Variants in HACL2 observed in about 807,000 individuals in gnomAD.
HACL2 encodes the protein 2-hydroxyacyl-CoA lyase 2, also known as 2-hydroxyacyl-CoA lyase 1 like.
At chr19:15,120,360 C>A in the HACL2 span, among the ~76,000 whole-genome samples, 2 of 152,234 alleles carry the variant, frequency 1.3e-5, no homozygotes, top group Non-Finnish European at 2.9e-5. Context: ...GTGGGTCCAA[C>A]AGATGTGAGC....
the HACL2 span, chr19:15,124,531 A>C: frequency 5.0e-6 from 1 of 199,476 alleles, no homozygotes; most frequent in Non-Finnish European, 1.0e-5. Context: ...GAAAGTCTAC[A>C]GTACTGAGCT....
chr19:15,116,185 G>A, the HACL2 span: 3 of 1,613,744 alleles, frequency 1.9e-6, no homozygotes, highest in South Asian at 3.3e-5. Context: ...CCGCGGGGCT[G>A]TACCAGATGG....
chr19:15,115,442 G>A, the HACL2 span: 1 of 1,611,758 alleles, frequency 6.2e-7, no homozygotes. Flanking sequence ...TAAAAGAAGA[G>A]ATTAAGTCGG....
the HACL2 span, chr19:15,123,205 G>C: frequency 6.2e-7 from 1 of 1,614,002 alleles, no homozygotes; most frequent in Non-Finnish European, 8.5e-7. The surrounding 1 kb of genome is among the most constrained non-coding windows in gnomAD (Gnocchi z 5.1). Flanking sequence ...GTGTTGGTGA[G>C]GCCAGGGCCT....
At chr19:15,123,134 A>C in the HACL2 span, 10 of 1,613,856 alleles carry the variant, frequency 6.2e-6, no homozygotes, top group South Asian at 7.7e-5. The surrounding 1 kb of genome is among the most constrained non-coding windows in gnomAD (Gnocchi z 5.1). Context: ...GAGTGCTGGC[A>C]GCCCCACCCA....
the HACL2 span, chr19:15,119,614 G>C: frequency 9.7e-7 from 1 of 1,033,970 alleles, no homozygotes; most frequent in African/African-American, 1.6e-5. Context: ...GTAATGGCAT[G>C]ATCTCAGCTC....
chr19:15,115,397 C>G, the HACL2 span: 1 of 1,613,938 alleles, frequency 6.2e-7, no homozygotes, highest in Non-Finnish European at 8.5e-7. Flanking sequence ...CAGCAAGCCC[C>G]GGGCCCCCAG....
the HACL2 span, chr19:15,123,238 C>A: frequency 1.9e-6 from 3 of 1,613,834 alleles, no homozygotes; most frequent in Non-Finnish European, 2.5e-6. This position sits in a 1 kb window ranked among gnomAD's most constrained non-coding sequence, Gnocchi z 5.1. Flanking sequence ...GCCACGCCCA[C>A]CGTCCCTGGA....
chr19:15,115,806 C>T, the HACL2 span: 2 of 1,602,460 alleles, frequency 1.2e-6, no homozygotes, highest in Non-Finnish European at 1.7e-6. Context: ...GTGACATCTC[C>T]CAGAACCCCA....
chr19:15,116,439 C>G, the HACL2 span: 2 of 1,613,924 alleles, frequency 1.2e-6, no homozygotes, highest in Non-Finnish European at 1.7e-6. Context: ...CGGTCGGCTT[C>G]CCGCAGCTCC....
the HACL2 span, chr19:15,123,296 C>T: frequency 1.9e-6 from 3 of 1,606,776 alleles, no homozygotes; most frequent in African/African-American, 1.3e-5. This position sits in a 1 kb window ranked among gnomAD's most constrained non-coding sequence, Gnocchi z 5.1. Context: ...CATTCTTCCA[C>T]CTCTGAAAAA....
chr19:15,121,452 G>T, the HACL2 span, among the ~76,000 whole-genome samples: 15 of 152,242 alleles, frequency 9.9e-5, no homozygotes, highest in Middle Eastern at 3.4e-3. Flanking sequence ...GCAAAGGGAA[G>T]GGACTGAGGG....
At chr19:15,116,481 G>C in the HACL2 span, 2 of 1,613,820 alleles carry the variant, frequency 1.2e-6, no homozygotes, top group Non-Finnish European at 1.7e-6. Flanking sequence ...GTCTGGCCCT[G>C]AAGGCCCTCC....
the HACL2 span, chr19:15,120,123 C>A: frequency 7.8e-7 from 1 of 1,274,630 alleles, no homozygotes; most frequent in East Asian, 2.5e-5. Flanking sequence ...CCAGAATTAA[C>A]TAACTACAAG....
chr19:15,121,004 G>A, the HACL2 span, among the ~76,000 whole-genome samples: 20 of 152,194 alleles, frequency 1.3e-4, no homozygotes, highest in Non-Finnish European at 7.3e-5. Context: ...GAGGGGCAAG[G>A]AGAACAAGGG....
the HACL2 span, chr19:15,117,653 T>G: frequency 2.2e-6 from 1 of 445,466 alleles, no homozygotes. Flanking sequence ...CATTCCAGCC[T>G]GGGTGACAGA....
the HACL2 span, chr19:15,115,165 G>C: frequency 1.3e-6 from 2 of 1,507,582 alleles, no homozygotes; most frequent in East Asian, 2.3e-5. Flanking sequence ...CATGGGATAG[G>C]CCCAGGGCAA....
chr19:15,124,760 A>G, the HACL2 span: 2 of 958,996 alleles, frequency 2.1e-6, no homozygotes, highest in East Asian at 5.7e-5. Context: ...CTCCATACAC[A>G]GCGTGGCAAT....
the HACL2 span, chr19:15,115,262 A>T: frequency 6.2e-7 from 1 of 1,614,134 alleles, no homozygotes; most frequent in Non-Finnish European, 8.5e-7. Flanking sequence ...CTATACAGCA[A>T]TGGAGCCATC....
Sources: gnomAD v4.1 joint callset for allele counts (sites outside exome capture counted in the v4.1 genomes callset) on GRCh38, gnomAD v4.1.1 for gene constraint, Gnocchi (gnomAD v3.1) non-coding constraint, MANE v1.5 for transcripts, NCBI Gene and HGNC (gene_info 2026-07-23, HGNC 2026-07-21) for gene names.